PELI2: variants seen among roughly 807,000 people sequenced by gnomAD.
The protein encoded by PELI2 is E3 ubiquitin-protein ligase pellino homolog 2.
In PELI2, 23 loss-of-function variants were observed where a neutral mutation model predicts 42.3. The ratio of observed to expected loss-of-function variants is 0.54; its 90% CI spans 0.39 to 0.77. PELI2 has a LOEUF of 0.77. Ranked by LOEUF, PELI2 falls within the 30% of genes least tolerant of loss-of-function variation. PELI2 has a pLI of 0.00. For synonymous variants in PELI2, 245 were observed against 212.2 expected (o/e 1.15, Z -1.34); for missense variants, 463 against 553.2 (o/e 0.84, Z 1.64).
intron 1 of PELI2, 83 bp from the exon 2 acceptor site, chr14:56,178,252 T>C: frequency 7.0e-7 from 1 of 1,435,604 alleles, no homozygotes; most frequent in Non-Finnish European, 9.7e-7. Context: ...TTCCTGTCTT[T>C]TCCCTTATTC....
At chr14:56,287,679 T>G (rs937094623) in intron 3 of PELI2, among the ~76,000 whole-genome samples, 1 of 152,174 alleles carries the variant, frequency 6.6e-6, no homozygotes, top group African/African-American at 2.4e-5. Context: ...AGAAAATAGA[T>G]GTCTGTGGTC....
At chr14:56,155,864 G>A (rs1163326300) in intron 1 of PELI2, among the ~76,000 whole-genome samples, 3 of 152,118 alleles carry the variant, frequency 2.0e-5, no homozygotes, top group Non-Finnish European at 2.9e-5. Context: ...GATTACAGGC[G>A]TGAGCCACTG....
chr14:56,158,059 A>T (rs1038262968), intron 1 of PELI2, among the ~76,000 whole-genome samples: 1 of 152,026 alleles, frequency 6.6e-6, no homozygotes, highest in East Asian at 1.9e-4. Context: ...ATGTAGTCTC[A>T]CTCTGTTGCC....
rs1239749870 is a variant in PELI2, at chr14:56,297,942, A to G, written c.*776A>G. 6.6e-6 allele frequency: 1 copy of G among 152,224 alleles called. No individual in the cohort carries two copies. Among genetic ancestry groups the G allele is most frequent in the Non-Finnish European group, 1.5e-5 (1 of 68,058 alleles). 9.4% of individuals were successfully genotyped at this position (152,224 alleles called of 1,614,324 possible). On this transcript the variant is annotated 3_prime_UTR_variant, in exon 6 of 6. Transcript: ENST00000267460. The stretch of plus-strand genomic sequence containing the variant: ...CCAGAACTGTTTGGTTGATTAAAAT[A>G]CATCAGCTCTTAAAAACTCATTAAC...
intron 4 of PELI2, among the ~76,000 whole-genome samples, chr14:56,289,490 C>G (rs779195783): frequency 1.1e-4 from 16 of 152,154 alleles, no homozygotes; most frequent in Non-Finnish European, 1.8e-4. Context: ...TCTTGGAAGC[C>G]TCCAAGAAGA....
intron 2 of PELI2, among the ~76,000 whole-genome samples, chr14:56,213,297 T>C (rs935690377): frequency 6.6e-6 from 1 of 152,226 alleles, no homozygotes; most frequent in Admixed American, 6.5e-5. Flanking sequence ...TGAATTACTT[T>C]TATTTCTGTT....
intron 3 of PELI2, among the ~76,000 whole-genome samples, chr14:56,283,991 A>G (rs1423310557): frequency 6.6e-6 from 1 of 152,204 alleles, no homozygotes; most frequent in African/African-American, 2.4e-5. Context: ...GCGCGACAGC[A>G]CTCATAGTTC....
At chr14:56,152,100 A>C (rs566489746) in intron 1 of PELI2, among the ~76,000 whole-genome samples, 4 of 152,296 alleles carry the variant, frequency 2.6e-5, no homozygotes, top group African/African-American at 7.2e-5. Flanking sequence ...TGTGCTTTCA[A>C]CTTTAAGGAG....
chr14:56,195,580 G>T (rs1246669862), intron 2 of PELI2, among the ~76,000 whole-genome samples: 1 of 152,214 alleles, frequency 6.6e-6, no homozygotes, highest in African/African-American at 2.4e-5. Context: ...AGGCTTTAGA[G>T]GCAGTGGAGA....
intron 1 of PELI2, among the ~76,000 whole-genome samples, chr14:56,149,050 A>G (rs1261992522): frequency 6.6e-6 from 1 of 152,190 alleles, no homozygotes; most frequent in African/African-American, 2.4e-5. Flanking sequence ...TCCTTAGCTT[A>G]CTTGTTTCAG....
At chr14:56,158,430 C>T (rs1248781298) in intron 1 of PELI2, among the ~76,000 whole-genome samples, 1 of 152,110 alleles carries the variant, frequency 6.6e-6, no homozygotes, top group African/African-American at 2.4e-5. Context: ...CAACCTTGAC[C>T]TCCTGGGCTC....
At chr14:56,245,778 A>G (rs1411272604) in intron 2 of PELI2, among the ~76,000 whole-genome samples, 2 of 152,220 alleles carry the variant, frequency 1.3e-5, no homozygotes, top group Non-Finnish European at 2.9e-5. Context: ...AAAATAATAC[A>G]AATTTTGTAT....
intron 5 of PELI2, among the ~76,000 whole-genome samples, chr14:56,292,464 A>G (rs1361501919): frequency 1.3e-5 from 2 of 152,218 alleles, no homozygotes; most frequent in South Asian, 2.1e-4. Flanking sequence ...AGCATTTGAT[A>G]TAAATTATGT....
chr14:56,290,909 A>G (rs1018951439), intron 5 of PELI2, among the ~76,000 whole-genome samples: 9 of 152,252 alleles, frequency 5.9e-5, no homozygotes, highest in Non-Finnish European at 1.3e-4. Context: ...GAATTCCTAT[A>G]TATTAAGGCA....
At chr14:56,132,435 A>G (rs968566273) in intron 1 of PELI2, among the ~76,000 whole-genome samples, 4 of 152,216 alleles carry the variant, frequency 2.6e-5, no homozygotes, top group Admixed American at 1.3e-4. Flanking sequence ...AGTTGTGATG[A>G]TAACAGTGGA....
At chr14:56,164,042 T>G (rs1884863469) in intron 1 of PELI2, among the ~76,000 whole-genome samples, 2 of 152,126 alleles carry the variant, frequency 1.3e-5, no homozygotes. Flanking sequence ...TGGATGCCCT[T>G]TACATCTTAT....
At chr14:56,135,044 A>G (rs1229325552) in intron 1 of PELI2, among the ~76,000 whole-genome samples, 1 of 152,210 alleles carries the variant, frequency 6.6e-6, no homozygotes, top group Non-Finnish European at 1.5e-5. Context: ...TTTAAAAATT[A>G]CGTGTATAGT....
intron 3 of PELI2, among the ~76,000 whole-genome samples, chr14:56,281,658 T>C (rs902841068): frequency 3.9e-5 from 6 of 152,160 alleles, no homozygotes; most frequent in Non-Finnish European, 8.8e-5. Context: ...ATATTTACAA[T>C]TTGTATCACA....
chr14:56,142,805 A>AT (rs1372860239), intron 1 of PELI2, among the ~76,000 whole-genome samples: 1 of 152,100 alleles, frequency 6.6e-6, no homozygotes, highest in Non-Finnish European at 1.5e-5. Context: ...TTTTTTTAAG[A>AT]TTAAAAAATT....
Sources: allele counts gnomAD v4.1 joint callset (sites outside exome capture counted in the v4.1 genomes callset), GRCh38; gene constraint gnomAD v4.1.1; transcripts MANE v1.5; gene names NCBI Gene and HGNC (gene_info 2026-07-23, HGNC 2026-07-21).